TENM2: variants seen among roughly 807,000 people sequenced by gnomAD.
TENM2 encodes teneurin-2.
TENM2 carries 52 observed loss-of-function variants against 245.2 expected under a neutral mutation model. The observed-to-expected ratio is 0.21, with a 90% CI of 0.17 to 0.27. The LOEUF (loss-of-function observed/expected upper bound fraction) is 0.27, where lower values mean the gene tolerates loss of function less well. TENM2 is among the 10% of genes least tolerant of loss of function. The pLI, the probability that TENM2 is intolerant of heterozygous loss-of-function variation, is 1.00. For missense variants in TENM2, 3,046 were observed against 3,666.8 expected (o/e 0.83, Z 4.37); for synonymous variants, 1,363 against 1,438.9 (o/e 0.95, Z 1.19).
intron 7 of TENM2, among the ~76,000 whole-genome samples, chr5:168,090,094 C>G (rs1792793137): frequency 6.6e-6 from 1 of 151,978 alleles, no homozygotes; most frequent in Non-Finnish European, 1.5e-5. Flanking sequence ...CTGAAACTCT[C>G]AGGAAACCAA....
At chr5:167,299,364 C>T (rs1755169445) in intron 1 of TENM2, among the ~76,000 whole-genome samples, 1 of 152,164 alleles carries the variant, frequency 6.6e-6, no homozygotes, top group South Asian at 2.1e-4. Context: ...CTCTACCTAT[C>T]CAGTGAAAGT....
At chr5:167,608,510 T>C (rs1275959919) in intron 2 of TENM2, among the ~76,000 whole-genome samples, 1 of 152,208 alleles carries the variant, frequency 6.6e-6, no homozygotes, top group Admixed American at 6.5e-5. Context: ...TCTGACAGCA[T>C]TGCTATCACA....
chr5:167,707,196 C>T (rs775112444), intron 2 of TENM2, among the ~76,000 whole-genome samples: 4 of 151,892 alleles, frequency 2.6e-5, no homozygotes, highest in Non-Finnish European at 5.9e-5. Context: ...ACCAGTTTTC[C>T]ATTTGTATGT....
intron 25 of TENM2, among the ~76,000 whole-genome samples, chr5:168,230,178 G>A (rs570626762): frequency 1.3e-5 from 2 of 152,230 alleles, no homozygotes; most frequent in East Asian, 1.9e-4. Context: ...TGCTGGCATC[G>A]TGTTTATGCA....
intron 1 of TENM2, among the ~76,000 whole-genome samples, chr5:167,304,565 C>T (rs768926794): frequency 8.5e-5 from 13 of 152,122 alleles, no homozygotes; most frequent in African/African-American, 1.2e-4. Context: ...GAGTTACAGA[C>T]GTGATTTGGT....
At chr5:167,713,725 C>A (rs1211993369) in intron 2 of TENM2, among the ~76,000 whole-genome samples, 1 of 152,196 alleles carries the variant, frequency 6.6e-6, no homozygotes, top group Non-Finnish European at 1.5e-5. Flanking sequence ...CATGCATATG[C>A]ATATTCATGT....
intron 2 of TENM2, among the ~76,000 whole-genome samples, chr5:167,735,498 G>A (rs992492583): frequency 1.3e-5 from 2 of 152,212 alleles, no homozygotes; most frequent in East Asian, 3.8e-4. Flanking sequence ...AAAAGAGGGG[G>A]CTGGACTTGT....
chr5:167,789,660 T>C (rs1254013661), intron 2 of TENM2, among the ~76,000 whole-genome samples: 1 of 152,232 alleles, frequency 6.6e-6, no homozygotes, highest in Non-Finnish European at 1.5e-5. Flanking sequence ...CAGCCCGCTT[T>C]CTCTCATAAA....
chr5:168,239,205 C>T lies in TENM2; in HGVS notation c.5521-5215C>T, dbSNP rs1480472442. On this transcript the variant is annotated intron_variant, in intron 25 of 28. Coordinates refer to ENST00000518659, the Ensembl canonical transcript of TENM2. ...CCGGGGCACCCCCCTTTATAAATGG[C>T]ACCCTCATAATTAAAGAAATTTGAT... Among the ~76,000 whole-genome samples the T allele has an allele frequency of 2.6e-5, 4 of 152,302 alleles. No individual in the cohort carries two copies. In the East Asian group the frequency reaches 7.7e-4, roughly 29 times the overall value.
chr5:167,972,045 T>G (rs926441613), intron 4 of TENM2, among the ~76,000 whole-genome samples: 4 of 152,256 alleles, frequency 2.6e-5, no homozygotes, highest in Admixed American at 6.5e-5. Flanking sequence ...TATCTCCATT[T>G]CCTTCTGCAA....
rs571414062 is a variant in TENM2 at position 168,060,129 on chromosome 5, G to T, written c.1310-1931G>T. On this transcript the variant is annotated intron_variant, in intron 6 of 28. Transcript: ENST00000518659. ...CATGCTGGGTGTGGTGGCTCACAGA[G>T]GTAATCCCAGCATTTTGGGAGGCCA... Among the ~76,000 whole-genome samples, 144 of 151,898 alleles carry T rather than the reference G, an allele frequency of 9.5e-4. 2 individuals carry two copies. Among genetic ancestry groups the T allele is most frequent in the African/African-American group, 3.4e-3 (140 of 41,394 alleles).
At chr5:168,053,033 C>A (rs1455819661) in intron 6 of TENM2, among the ~76,000 whole-genome samples, 2 of 152,142 alleles carry the variant, frequency 1.3e-5, no homozygotes, top group East Asian at 1.9e-4. Context: ...TCTCAATGAA[C>A]ACAGCCCAGG....
At chr5:167,197,081 G>C in the TENM2 span, among the ~76,000 whole-genome samples, 2 of 152,010 alleles carry the variant, frequency 1.3e-5, no homozygotes, top group African/African-American at 2.4e-5. Flanking sequence ...AGTCATTAAG[G>C]AATTGGACAG....
At chr5:167,121,783 C>T in the TENM2 span, among the ~76,000 whole-genome samples, 1 of 152,194 alleles carries the variant, frequency 6.6e-6, no homozygotes, top group Non-Finnish European at 1.5e-5. Context: ...GGATCAAAAA[C>T]TTTCCTCTGT....
chr5:167,503,860 C>A (rs1186441756), intron 2 of TENM2, among the ~76,000 whole-genome samples: 2 of 152,128 alleles, frequency 1.3e-5, no homozygotes, highest in East Asian at 3.9e-4. Context: ...TGCCACTGTA[C>A]TCCAGCCTGG....
At chr5:167,225,876 T>C in the TENM2 span, among the ~76,000 whole-genome samples, 1 of 152,052 alleles carries the variant, frequency 6.6e-6, no homozygotes, top group Non-Finnish European at 1.5e-5. Flanking sequence ...TTCTGTTTCT[T>C]CCTGATTCGA....
Position 167,445,311 on chromosome 5 carries a change from T to TTATATATATATATATATATATATA in TENM2, c.502+69841_502+69864dup, listed in dbSNP as rs755614167. Among the ~76,000 whole-genome samples, 5 of 69,984 alleles carry TTATATATATATATATATATATATA rather than the reference T, an allele frequency of 7.1e-5. No individual in the cohort carries two copies. In the South Asian group the frequency reaches 2.0e-3, roughly 28 times the overall value. 45.9% of individuals were successfully genotyped at this position (69,984 alleles called of 152,430 possible). A position where few individuals can be genotyped will look rare whatever the true frequency, so the allele number is the denominator to read the frequency against. On this transcript the variant is annotated intron_variant, in intron 2 of 28. Coordinates refer to ENST00000518659, the Ensembl canonical transcript of TENM2. The stretch of plus-strand genomic sequence containing the variant: ...GTCAGGCTTATTATAAACCATATGA[T>TTATATATATATATATATATATATA]TATATATATATATATATATATATAT...
chr5:167,865,226 G>T (rs1772203842), intron 2 of TENM2, among the ~76,000 whole-genome samples: 1 of 152,144 alleles, frequency 6.6e-6, no homozygotes, highest in Admixed American at 6.5e-5. Flanking sequence ...GCTCCTGAAG[G>T]TGAGAAGCTT....
chr5:168,053,889 A>G (rs1789318479), intron 6 of TENM2, among the ~76,000 whole-genome samples: 3 of 152,304 alleles, frequency 2.0e-5, no homozygotes, highest in Non-Finnish European at 4.4e-5. Flanking sequence ...AAGCTGGGTG[A>G]CCCTAAGCAA....
Sources: allele counts gnomAD v4.1 joint callset (sites outside exome capture counted in the v4.1 genomes callset), GRCh38; gene constraint gnomAD v4.1.1; transcripts MANE v1.5; gene names NCBI Gene and HGNC (gene_info 2026-07-23, HGNC 2026-07-21).